CARF: variants seen among roughly 807,000 people sequenced by gnomAD.
CARF encodes calcium responsive transcription factor.
In CARF, 57 loss-of-function variants were observed where a neutral mutation model predicts 82.0. The observed-to-expected ratio is 0.70, with a 90% CI of 0.56 to 0.87. The LOEUF is 0.87. CARF is among the 40% of genes least tolerant of loss of function. The probability of loss-of-function intolerance (pLI) is 0.00; values close to 1 mark genes in which losing one functional copy is unlikely to be tolerated. For missense variants in CARF, 771 were observed against 855.8 expected (o/e 0.90, Z 1.24); for synonymous variants, 268 against 290.1 (o/e 0.92, Z 0.77).
At chr2:202,920,046 C>T (rs1690497049) in intron 2 of CARF, among the ~76,000 whole-genome samples, 1 of 151,930 alleles carries the variant, frequency 6.6e-6, no homozygotes, top group Non-Finnish European at 1.5e-5. Context: ...AATAATAGGT[C>T]CTATATCACA....
rs974859621 is a variant in CARF at position 202,987,489 on chromosome 2, C to T, written c.*3865C>T. On this transcript the variant is annotated 3_prime_UTR_variant, in exon 17 of 17. Transcript: ENST00000438828. ...TAGACATCAAACATCTTAAATGATA[C>T]ACTGTTTTAATATCTAAAAATCTGT... is the stretch of plus-strand genomic sequence containing the variant. 1.3e-5 allele frequency among the ~76,000 whole-genome samples: 2 copies of T among 152,060 alleles called. No homozygotes were observed. Among genetic ancestry groups the T allele is most frequent in the African/African-American group, 2.4e-5 (1 of 41,394 alleles).
chr2:202,913,472 G>A (rs1689036240), intron 1 of CARF, among the ~76,000 whole-genome samples: 1 of 152,122 alleles, frequency 6.6e-6, no homozygotes, highest in South Asian at 2.1e-4. Flanking sequence ...ACTAATTCCA[G>A]TTTAACTAGA....
At chr2:202,953,428 T>G (rs1232974813) in intron 6 of CARF, among the ~76,000 whole-genome samples, 1 of 151,604 alleles carries the variant, frequency 6.6e-6, no homozygotes, top group Non-Finnish European at 1.5e-5. Flanking sequence ...AAGAGAATCA[T>G]GCTCCCTATT....
In CARF at chr2:202,919,638, G is replaced by T. The variant is rs560571600; in HGVS notation, c.-163+1595G>T. 3.9e-5 allele frequency among the ~76,000 whole-genome samples: 6 copies of T among 152,242 alleles called. No homozygotes were observed. In the East Asian group the frequency reaches 1.2e-3, roughly 29 times the overall value. On this transcript the variant is annotated intron_variant, in intron 2 of 16. Coordinates refer to ENST00000438828, the MANE Select transcript of CARF (RefSeq NM_024744.17). ...AACTGGCAAAAGTTGAAAACAAAAA[G>T]GAACAAATAATTCCTTTTAACATCT...
rs777977612 is a variant in CARF, at chr2:202,942,793, T to C, written c.132T>C (p.Pro44=). The change falls in exon 5 of 17, where the codon CCT becomes CCC. Residue 44 remains proline (P), a synonymous_variant. Coordinates refer to ENST00000438828, the MANE Select transcript of CARF (RefSeq NM_024744.17). The part of the protein sequence containing the change: ...RDSSFGQNDS[P]TVLPITTREA... ...CTTCCTTTGGACAAAATGATTCTCC[T>C]ACAGTTTTGCCCATCACTACTCGTG... The C allele has an allele frequency of 1.9e-6, 3 of 1,614,124 alleles. No homozygotes were observed. Among genetic ancestry groups the C allele is most frequent in the South Asian group, 2.2e-5 (2 of 91,084 alleles).
At chr2:202,922,682 A>G (rs114527590) in intron 2 of CARF, among the ~76,000 whole-genome samples, 13,461 of 152,036 alleles carry the variant, frequency 0.089, 739 homozygotes, top group Non-Finnish European at 0.12. Context: ...GCAGGCTCCT[A>G]TAATCCTAGC....
rs1416084238 is a variant in CARF, at chr2:202,986,880, A to ATT, written c.*3257_*3258insTT. On this transcript the variant is annotated 3_prime_UTR_variant, in exon 17 of 17. Coordinates refer to ENST00000438828, the MANE Select transcript of CARF (RefSeq NM_024744.17). ...AAAATGTCTGTGCGTATATATATAT[A>ATT]TATATATATATATATATATATATAT... The ATT allele has an allele frequency of 8.5e-6, 1 of 117,304 alleles. No homozygotes were observed. The allele number at this position is 117,304 out of a possible 1,614,324, so 7.3% of individuals were successfully genotyped here. A position where few individuals can be genotyped will look rare whatever the true frequency, so the allele number is the denominator to read the frequency against.
intron 3 of CARF, among the ~76,000 whole-genome samples, chr2:202,926,354 A>C (rs1289228472): frequency 6.6e-6 from 1 of 152,220 alleles, no homozygotes; most frequent in Admixed American, 6.5e-5. Flanking sequence ...AACCTAGTTC[A>C]ATTGTTTTTT....
rs2059710127 is a variant in CARF, at chr2:202,969,811, T to C, written c.954-108T>C. The C allele has an allele frequency of 1.2e-5, 8 of 665,744 alleles. No homozygotes were observed. The South Asian group carries it at 1.7e-4, about 14-fold the overall frequency. 41.2% of individuals were successfully genotyped at this position (665,744 alleles called of 1,614,324 possible). ...AGCCTCTGAATACTTTACAGATAAA[T>C]TGAATTTTCTCTAAGCTTAAATGCT... On this transcript the variant is annotated intron_variant, in intron 10 of 16. Transcript: ENST00000438828.
intron 3 of CARF, among the ~76,000 whole-genome samples, chr2:202,938,096 T>TA (rs1309495828): frequency 6.6e-6 from 1 of 152,208 alleles, no homozygotes; most frequent in Non-Finnish European, 1.5e-5. Context: ...CTTTGTGTTA[T>TA]AAACAATCCA....
At chr2:202,915,712 TCTG>T (rs1689508841) in intron 1 of CARF, among the ~76,000 whole-genome samples, 1 of 151,686 alleles carries the variant, frequency 6.6e-6, no homozygotes, top group Non-Finnish European at 1.5e-5. Context: ...TTGTGATCCA[TCTG>T]CTCAGCCTCC....
intron 5 of CARF, among the ~76,000 whole-genome samples, chr2:202,949,619 C>G (rs149022714): frequency 0.038 from 5,785 of 150,264 alleles, 359 homozygotes; most frequent in African/African-American, 0.13. Context: ...TGCGTGATCT[C>G]AGCTCACTGC....
chr2:202,925,227 G>A (rs1574490868), intron 3 of CARF: 1 of 357,822 alleles, frequency 2.8e-6, no homozygotes. Flanking sequence ...TCCTCATCAA[G>A]AAGGATATGA....
intron 13 of CARF, among the ~76,000 whole-genome samples, chr2:202,975,175 G>A (rs191588907): frequency 1.2e-4 from 19 of 152,268 alleles, no homozygotes; most frequent in Non-Finnish European, 2.9e-5. Context: ...GCTGGGTGTG[G>A]CCGGGCTCAG....
intron 5 of CARF, among the ~76,000 whole-genome samples, chr2:202,947,716 A>T (rs1464058457): frequency 6.6e-6 from 1 of 152,182 alleles, no homozygotes; most frequent in Non-Finnish European, 1.5e-5. Context: ...TTTCTTTTGT[A>T]AATTTGTTTT....
At chr2:202,962,854 A>T (rs1286791592) in intron 9 of CARF, 2 of 152,170 alleles carry the variant, frequency 1.3e-5, no homozygotes, top group Non-Finnish European at 2.9e-5. Context: ...TCTATTGATC[A>T]TCATTTAGGT....
At chr2:202,931,914 A>G (rs1693012604) in intron 3 of CARF, among the ~76,000 whole-genome samples, 1 of 152,250 alleles carries the variant, frequency 6.6e-6, no homozygotes, top group South Asian at 2.1e-4. Context: ...TTGCAGTGAC[A>G]TAAACAAATA....
intron 2 of CARF, among the ~76,000 whole-genome samples, chr2:202,923,735 C>CT (rs1405819425): frequency 6.6e-6 from 1 of 152,202 alleles, no homozygotes; most frequent in Non-Finnish European, 1.5e-5. Flanking sequence ...TACTATAAGG[C>CT]TGTACTCACC....
chr2:202,924,934 C>A, intron 3 of CARF: 1 of 285,378 alleles, frequency 3.5e-6, no homozygotes, highest in East Asian at 9.2e-5. Context: ...GATCAAGACC[C>A]TAAACAAGTT....
Sources: allele counts gnomAD v4.1 joint callset (sites outside exome capture counted in the v4.1 genomes callset), GRCh38; gene constraint gnomAD v4.1.1; transcripts MANE v1.5; gene names NCBI Gene and HGNC (gene_info 2026-07-23, HGNC 2026-07-21).